PROK2: variants seen among roughly 807,000 people sequenced by gnomAD.
PROK2 encodes prokineticin 2, also known as prokineticin-2.
Under a neutral mutation model 14.2 loss-of-function variants are expected in PROK2, and 8 were observed. The observed-to-expected ratio is 0.56, with a 90% CI of 0.33 to 1.02. The LOEUF (loss-of-function observed/expected upper bound fraction) is 1.02, where lower values mean the gene tolerates loss of function less well. PROK2 is among the 50% of genes least tolerant of loss of function. The pLI is 0.03. For synonymous variants in PROK2, 59 were observed against 60.7 expected, an observed-to-expected ratio of 0.97 and a Z score of 0.13; for missense variants, 154 against 160.4, an observed-to-expected ratio of 0.96 and a Z score of 0.22.
intron 2 of PROK2, among the ~76,000 whole-genome samples, chr3:71,777,205 T>TA (rs2050126923): frequency 6.6e-6 from 1 of 152,184 alleles, no homozygotes; most frequent in Admixed American, 6.5e-5. Flanking sequence ...TTCTGTCTTG[T>TA]AAGTCTTTTT....
rs1018386090 is a variant in PROK2, at chr3:71,783,670, G to T, written c.96+1287C>A. Among the ~76,000 whole-genome samples, 5 of 152,278 alleles carry T rather than the reference G, an allele frequency of 3.3e-5. No individual in the cohort carries two copies. In the South Asian group the frequency reaches 1.0e-3, roughly 32 times the overall value. On this transcript the variant is annotated intron_variant, in intron 1 of 3. Coordinates refer to ENST00000295619, the MANE Select transcript of PROK2 (RefSeq NM_001126128.2). ...GGATCTTGGGCTCAGAGGATTAGGAGAAACTTTAAATGAGCCAGCAGGAGA... is the reference window on the plus strand; with the variant it reads ...GGATCTTGGGCTCAGAGGATTAGGATAAACTTTAAATGAGCCAGCAGGAGA...
intron 3 of PROK2, 44 bp downstream of exon 3, chr3:71,774,401 T>C (rs1396796823): frequency 6.4e-7 from 1 of 1,551,546 alleles, no homozygotes. Flanking sequence ...GGCTAATTCT[T>C]CTGGGCATGT....
intron 1 of PROK2, among the ~76,000 whole-genome samples, chr3:71,784,256 A>G (rs1235787959): frequency 2.0e-5 from 3 of 152,080 alleles, no homozygotes; most frequent in African/African-American, 7.2e-5. Flanking sequence ...AGATGAAAAC[A>G]TCGTCTCTAA....
At chr3:71,774,585 A>G (rs1040947794) in intron 2 of PROK2, 78 bp from the exon 3 acceptor site, 4 of 1,506,862 alleles carry the variant, frequency 2.7e-6, no homozygotes, top group Admixed American at 2.2e-5. Flanking sequence ...CAGGGTATGC[A>G]TGTAGTGAAC....
chr3:71,775,712 T>G (rs1284291786), intron 2 of PROK2, among the ~76,000 whole-genome samples: 1 of 152,086 alleles, frequency 6.6e-6, no homozygotes, highest in East Asian at 1.9e-4. Flanking sequence ...TCAAACAGGG[T>G]CCTGCTTTCT....
chr3:71,783,226 T>C (rs1441928495), intron 1 of PROK2, among the ~76,000 whole-genome samples: 1 of 152,198 alleles, frequency 6.6e-6, no homozygotes, highest in African/African-American at 2.4e-5. Context: ...TAAAATTCAA[T>C]CACCTGGATG....
chr3:71,772,774 C>A lies in PROK2; in HGVS notation c.340G>T (p.Ala114Ser), dbSNP rs754857529. ...HHTCPCLPGL[A>S]CLRTSFNRFI... Reference sequence around the variant, plus strand: ...CGGTTAAATGAAGTCCGTAAACAGGCCAAGCCTGGCAGACATGGGCAAGTG... The same window carrying A: ...CGGTTAAATGAAGTCCGTAAACAGGACAAGCCTGGCAGACATGGGCAAGTG... The change falls in exon 4 of 4, where the codon GCC (alanine) becomes TCC (serine). Residue 114 changes from alanine (A) to serine (S), a missense_variant. Coordinates refer to ENST00000295619, the MANE Select transcript of PROK2 (RefSeq NM_001126128.2). The A allele has an allele frequency of 2.2e-5, 36 of 1,614,040 alleles. No individual in the cohort carries two copies. The highest frequency in any genetic ancestry group is 3.0e-5 in the Non-Finnish European group (35 of 1,180,028).
At chr3:71,781,982 T>C (rs2050164196) in intron 1 of PROK2, among the ~76,000 whole-genome samples, 1 of 152,100 alleles carries the variant, frequency 6.6e-6, no homozygotes, top group Non-Finnish European at 1.5e-5. Flanking sequence ...AATCACAAGA[T>C]TTTGTGACTA....
rs2108197134 is a variant in PROK2, at chr3:71,781,676, C to T, written c.97-84G>A. On this transcript the variant is annotated intron_variant, in intron 1 of 3. Coordinates refer to ENST00000295619, the MANE Select transcript of PROK2 (RefSeq NM_001126128.2). ...AACCTAAAATTAGCAGTGAAATGCC[C>T]TTTAAATATCTAAACACTTGGACTT... 2.1e-6 allele frequency: 3 copies of T among 1,397,142 alleles called. No homozygotes were observed. The East Asian group carries it at 7.3e-5, about 34-fold the overall frequency. The allele number at this position is 1,397,142 out of a possible 1,614,324, so 86.5% of individuals were successfully genotyped here. A position where few individuals can be genotyped will look rare whatever the true frequency, so the allele number is the denominator to read the frequency against.
At chr3:71,784,343 T>G (rs931535307) in intron 1 of PROK2, among the ~76,000 whole-genome samples, 13 of 152,210 alleles carry the variant, frequency 8.5e-5, no homozygotes, top group African/African-American at 2.9e-4. Context: ...ATTAGAAATT[T>G]AAAACTTTTA....
In PROK2 at chr3:71,772,282, C is replaced by G. The variant is rs1360717379; in HGVS notation, c.*442G>C. ...GACAAAAATAAAGTAAGGTAAGAGC[C>G]TTGAAATTCTTTGAGGTGGAAGAGG... On this transcript the variant is annotated 3_prime_UTR_variant, in exon 4 of 4. Coordinates refer to ENST00000295619, the MANE Select transcript of PROK2 (RefSeq NM_001126128.2). 8.4e-5 allele frequency: 14 copies of G among 165,924 alleles called. No homozygotes were observed. Among genetic ancestry groups the G allele is most frequent in the Admixed American group, 8.4e-4 (14 of 16,658 alleles). 10.3% of individuals were successfully genotyped at this position (165,924 alleles called of 1,614,324 possible).
At chr3:71,782,344 T>C (rs765678766) in intron 1 of PROK2, among the ~76,000 whole-genome samples, 1 of 152,180 alleles carries the variant, frequency 6.6e-6, no homozygotes, top group Non-Finnish European at 1.5e-5. Context: ...GTAAGATCCA[T>C]CAAATTAAGA....
At chr3:71,773,785 G>T (rs73092551) in intron 3 of PROK2, among the ~76,000 whole-genome samples, 17 of 152,308 alleles carry the variant, frequency 1.1e-4, no homozygotes, top group African/African-American at 4.1e-4. Flanking sequence ...TAAGAGCCCA[G>T]CCCATTTCAC....
At chr3:71,775,090 A>T (rs1490624771) in intron 2 of PROK2, among the ~76,000 whole-genome samples, 1 of 152,176 alleles carries the variant, frequency 6.6e-6, no homozygotes, top group African/African-American at 2.4e-5. Context: ...TTTACAATGC[A>T]CAGGACAACC....
chr3:71,779,088 C>T (rs575026305), intron 2 of PROK2, among the ~76,000 whole-genome samples: 17 of 152,130 alleles, frequency 1.1e-4, no homozygotes, highest in Non-Finnish European at 1.9e-4. Flanking sequence ...AAATAGAATT[C>T]GGTTCTCTTT....
In PROK2 at chr3:71,772,139, T is replaced by G. The variant is rs891097385; in HGVS notation, c.*585A>C. ...GAGTTTGGAGTGTCAAGTTCACATA[T>G]ACACTCTTTTCACTATTTAAATGCC... On this transcript the variant is annotated 3_prime_UTR_variant, in exon 4 of 4. Transcript: ENST00000295619. The G allele has an allele frequency of 3.8e-5, 6 of 158,062 alleles. No homozygotes were observed. The highest frequency in any genetic ancestry group is 1.4e-4 in the African/African-American group (6 of 41,472). 9.8% of individuals were successfully genotyped at this position (158,062 alleles called of 1,614,324 possible). A position where few individuals can be genotyped will look rare whatever the true frequency, so the allele number is the denominator to read the frequency against.
At chr3:71,779,757 C>T (rs575657831) in intron 2 of PROK2, among the ~76,000 whole-genome samples, 1 of 152,178 alleles carries the variant, frequency 6.6e-6, no homozygotes, top group African/African-American at 2.4e-5. Context: ...CAGGTGTGTG[C>T]CACCATGCCC....
intron 2 of PROK2, 31 bp downstream of exon 2, chr3:71,781,436 C>A: frequency 6.2e-7 from 1 of 1,612,160 alleles, no homozygotes; most frequent in Non-Finnish European, 8.5e-7. Flanking sequence ...CACAGTAGAA[C>A]CACCATGAAT....
rs544832100 is a variant in PROK2, at chr3:71,779,901, G to A, written c.222+1566C>T. ...CTGGGATTACAGTGTGAGCCACTAT[G>A]CCCAGCCAAAAACAACGTAATTCTT... On this transcript the variant is annotated intron_variant, in intron 2 of 3. Transcript: ENST00000295619. 2.6e-5 allele frequency among the ~76,000 whole-genome samples: 4 copies of A among 152,262 alleles called. No homozygotes were observed. The East Asian group carries it at 7.7e-4, about 29-fold the overall frequency.
Sources: gnomAD v4.1 joint callset for allele counts (sites outside exome capture counted in the v4.1 genomes callset) on GRCh38, gnomAD v4.1.1 for gene constraint, MANE v1.5 for transcripts, NCBI Gene and HGNC (gene_info 2026-07-23, HGNC 2026-07-21) for gene names.